Variants in NXPH2 observed in about 807,000 individuals in gnomAD.
NXPH2 encodes the protein neurexophilin 2.
In NXPH2, 5 loss-of-function variants were observed where a neutral mutation model predicts 19.8. The ratio of observed to expected loss-of-function variants is 0.25; its 90% confidence interval spans 0.13 to 0.53. The LOEUF is 0.53. Among genes scored for constraint, NXPH2 ranks in the 20% least tolerant of loss-of-function variants. The probability of loss-of-function intolerance (pLI) is 0.96; values close to 1 mark genes in which losing one functional copy is unlikely to be tolerated. For missense variants in NXPH2, 289 were observed against 322.8 expected, an observed-to-expected ratio of 0.90 and a Z score of 0.80; for synonymous variants, 154 against 127.4, an observed-to-expected ratio of 1.21 and a Z score of -1.41.
intron 1 of NXPH2, among the ~76,000 whole-genome samples, chr2:138,691,896 C>G (rs560509452): frequency 3.3e-5 from 5 of 152,284 alleles, no homozygotes; most frequent in African/African-American, 1.2e-4. Context: ...CAACTAAGCC[C>G]TATCCAAAGT....
At chr2:138,727,244 C>G (rs1681373317) in intron 1 of NXPH2, among the ~76,000 whole-genome samples, 1 of 152,196 alleles carries the variant, frequency 6.6e-6, no homozygotes, top group Non-Finnish European at 1.5e-5. Context: ...AATCCATGCT[C>G]AGGCTTTTGT....
intron 1 of NXPH2, among the ~76,000 whole-genome samples, chr2:138,723,751 C>G (rs1681314270): frequency 6.6e-6 from 1 of 152,174 alleles, no homozygotes. Flanking sequence ...AGCTCACCCA[C>G]TCGCCCACAC....
At chr2:138,746,253 A>G (rs2105009143) in intron 1 of NXPH2, among the ~76,000 whole-genome samples, 1 of 152,354 alleles carries the variant, frequency 6.6e-6, no homozygotes, top group South Asian at 2.1e-4. Flanking sequence ...AGCTCCCATC[A>G]ATCCCTCTGT....
At chr2:138,679,361 CTT>C (rs890691281) in intron 1 of NXPH2, among the ~76,000 whole-genome samples, 11 of 151,814 alleles carry the variant, frequency 7.2e-5, no homozygotes, top group African/African-American at 2.7e-4. Context: ...CATATTGACT[CTT>C]CACCTACGTG....
intron 1 of NXPH2, among the ~76,000 whole-genome samples, chr2:138,677,202 G>A (rs964702378): frequency 1.3e-5 from 2 of 151,988 alleles, no homozygotes; most frequent in Admixed American, 6.6e-5. Context: ...GGGGCTCTTC[G>A]GGCTAATTTC....
chr2:138,711,978 A>G (rs187749547), intron 1 of NXPH2, among the ~76,000 whole-genome samples: 24 of 152,318 alleles, frequency 1.6e-4, no homozygotes, highest in Admixed American at 1.4e-3. Context: ...TCACTAGAAG[A>G]GGGCAGATGG....
At chr2:138,691,487 G>A (rs887870119) in intron 1 of NXPH2, among the ~76,000 whole-genome samples, 4 of 152,154 alleles carry the variant, frequency 2.6e-5, no homozygotes, top group Admixed American at 2.6e-4. Flanking sequence ...GTTTTCCTGA[G>A]TCTGTCTTCA....
chr2:138,675,506 CAAT>C (rs754097572), intron 1 of NXPH2, among the ~76,000 whole-genome samples: 12 of 151,576 alleles, frequency 7.9e-5, no homozygotes, highest in Non-Finnish European at 1.2e-4. Context: ...TGAGATTACT[CAAT>C]AATAATAATA....
At chr2:138,742,213 C>T (rs1681655985) in intron 1 of NXPH2, among the ~76,000 whole-genome samples, 1 of 152,062 alleles carries the variant, frequency 6.6e-6, no homozygotes, top group Admixed American at 6.6e-5. Context: ...GTGTGAGATG[C>T]CTCAGAGCTA....
rs77428540 is a variant in NXPH2 at position 138,744,796 on chromosome 2, C to T, written c.51+35395G>A. Among the ~76,000 whole-genome samples, 339 of 152,288 alleles carry T rather than the reference C, an allele frequency of 2.2e-3. 1 individual carries two copies. The highest frequency in any genetic ancestry group is 3.4e-3 in the Non-Finnish European group (230 of 68,032). ...CTCTAGCCCCACCATGTAAGGACCA[C>T]GAATCAAGCTCACTTCTTCCCTGCC... On this transcript the variant is annotated intron_variant, in intron 1 of 1. Coordinates refer to ENST00000272641, the MANE Select transcript of NXPH2 (RefSeq NM_007226.3).
chr2:138,725,680 C>T (rs568616455), intron 1 of NXPH2, among the ~76,000 whole-genome samples: 13 of 152,206 alleles, frequency 8.5e-5, no homozygotes, highest in Non-Finnish European at 1.8e-4. Context: ...TTCATCCCAC[C>T]AAACTATTTA....
At chr2:138,770,966 T>C (rs1682166348) in intron 1 of NXPH2, among the ~76,000 whole-genome samples, 1 of 152,240 alleles carries the variant, frequency 6.6e-6, no homozygotes, top group Non-Finnish European at 1.5e-5. Flanking sequence ...TTTCCTTTAA[T>C]AGATTGTCAA....
chr2:138,770,099 A>G (rs1402417194), intron 1 of NXPH2, among the ~76,000 whole-genome samples: 3 of 152,178 alleles, frequency 2.0e-5, no homozygotes, highest in African/African-American at 4.8e-5. Context: ...AAAGGAAATA[A>G]AAAGTTTATA....
intron 1 of NXPH2, among the ~76,000 whole-genome samples, chr2:138,743,806 T>C (rs561016718): frequency 4.1e-4 from 62 of 151,948 alleles, no homozygotes; most frequent in Non-Finnish European, 7.4e-4. Flanking sequence ...AGTTCAAGAC[T>C]AGCCTGGCCA....
At chr2:138,741,076 GT>G (rs1558926727) in intron 1 of NXPH2, among the ~76,000 whole-genome samples, 1 of 152,004 alleles carries the variant, frequency 6.6e-6, no homozygotes, top group Non-Finnish European at 1.5e-5. Flanking sequence ...TAAACTCCTG[GT>G]AAAAATGACT....
At chr2:138,689,292 C>T (rs1680709454) in intron 1 of NXPH2, among the ~76,000 whole-genome samples, 1 of 152,116 alleles carries the variant, frequency 6.6e-6, no homozygotes, top group East Asian at 1.9e-4. Context: ...CTAGTTTTAG[C>T]CCTTGGAGAC....
intron 1 of NXPH2, among the ~76,000 whole-genome samples, chr2:138,748,395 T>C (rs1379115994): frequency 6.6e-6 from 1 of 152,212 alleles, no homozygotes; most frequent in Non-Finnish European, 1.5e-5. Context: ...CAATGAGGCA[T>C]CCTGTTGCCC....
At chr2:138,724,599 T>C (rs1681329934) in intron 1 of NXPH2, among the ~76,000 whole-genome samples, 1 of 152,228 alleles carries the variant, frequency 6.6e-6, no homozygotes, top group South Asian at 2.1e-4. Flanking sequence ...TTATTATTTC[T>C]TCCTTTAACA....
intron 1 of NXPH2, among the ~76,000 whole-genome samples, chr2:138,760,372 C>A (rs1339907124): frequency 6.6e-6 from 1 of 152,028 alleles, no homozygotes; most frequent in African/African-American, 2.4e-5. Context: ...CGCTTTGAAA[C>A]AACAACAACA....
Sources: allele counts gnomAD v4.1 joint callset (sites outside exome capture counted in the v4.1 genomes callset), GRCh38; gene constraint gnomAD v4.1.1; transcripts MANE v1.5; gene names NCBI Gene and HGNC (gene_info 2026-07-23, HGNC 2026-07-21).